Variants in FRS2 observed in about 807,000 individuals in gnomAD.
The protein encoded by FRS2 is fibroblast growth factor receptor substrate 2, also known as FGFR signalling adaptor.
In FRS2, 8 loss-of-function variants were observed where a neutral mutation model predicts 43.9. The ratio of observed to expected loss-of-function variants is 0.18; its 90% CI spans 0.11 to 0.33. The LOEUF (loss-of-function observed/expected upper bound fraction) is 0.33, where lower values mean the gene tolerates loss of function less well. FRS2 is among the 10% of genes least tolerant of loss of function. FRS2 has a pLI of 1.00. For missense variants in FRS2, 534 were observed against 627.6 expected (o/e 0.85, Z 1.59); for synonymous variants, 219 against 220.3 (o/e 0.99, Z 0.05).
chr12:69,527,270 A>G (rs916649619), intron 1 of FRS2, among the ~76,000 whole-genome samples: 1 of 149,210 alleles, frequency 6.7e-6, no homozygotes, highest in Admixed American at 6.7e-5. Context: ...CTCTTAATGT[A>G]TAGCAGTGAA....
intron 4 of FRS2, among the ~76,000 whole-genome samples, chr12:69,564,356 T>C (rs1344894318): frequency 6.6e-6 from 1 of 152,158 alleles, no homozygotes; most frequent in African/African-American, 2.4e-5. Flanking sequence ...CTTGAGCCAG[T>C]GTTCAAGAGC....
intron 4 of FRS2, among the ~76,000 whole-genome samples, chr12:69,566,061 A>T (rs938999896): frequency 6.6e-6 from 1 of 152,146 alleles, no homozygotes; most frequent in African/African-American, 2.4e-5. Context: ...TAGTGTCAGT[A>T]GCTGACAGGA....
At position 69,530,531 on chromosome 12, in the gene FRS2, G is replaced by A. The variant is rs569286612; in HGVS notation, c.-260-334G>A. On this transcript the variant is annotated intron_variant, in intron 1 of 8. Coordinates refer to ENST00000549921, the MANE Select transcript of FRS2 (RefSeq NM_001278356.2). Reference sequence around the variant, plus strand: ...AGATGGGAGGATTGCTTGAGTGCAGGAGTTCAAGACTAGCCTGGGCAATGT... The same window carrying A: ...AGATGGGAGGATTGCTTGAGTGCAGAAGTTCAAGACTAGCCTGGGCAATGT... Among the ~76,000 whole-genome samples, 15 of 152,240 alleles carry A rather than the reference G, an allele frequency of 9.9e-5. No homozygotes were observed. The South Asian group carries it at 2.7e-3, about 27-fold the overall frequency.
chr12:69,542,323 A>G (rs1180729468), intron 3 of FRS2, among the ~76,000 whole-genome samples: 1 of 152,240 alleles, frequency 6.6e-6, no homozygotes, highest in Non-Finnish European at 1.5e-5. Context: ...GGTCGTTCGT[A>G]TCCATAGGTT....
chr12:69,566,157 CTG>C (rs759685426), intron 4 of FRS2, among the ~76,000 whole-genome samples: 10 of 152,096 alleles, frequency 6.6e-5, no homozygotes, highest in Non-Finnish European at 1.3e-4. Flanking sequence ...TGGCTCATGA[CTG>C]TATATCCCTG....
chr12:69,544,869 A>G (rs928811931), intron 3 of FRS2, among the ~76,000 whole-genome samples: 14 of 152,280 alleles, frequency 9.2e-5, no homozygotes, highest in African/African-American at 2.6e-4. Flanking sequence ...CACCAATTCT[A>G]TTAAATATCA....
chr12:69,502,333 A>T (rs1364731196), intron 1 of FRS2, among the ~76,000 whole-genome samples: 2 of 152,152 alleles, frequency 1.3e-5, no homozygotes, highest in Non-Finnish European at 2.9e-5. Context: ...CAGCTTTTCC[A>T]GTTGATAATG....
rs1876725219 is a variant in FRS2, at chr12:69,530,939, C to T, written c.-186C>T. On this transcript the variant is annotated 5_prime_UTR_variant, in exon 2 of 9. Coordinates refer to ENST00000549921, the MANE Select transcript of FRS2 (RefSeq NM_001278356.2). The stretch of plus-strand genomic sequence containing the variant: ...CCATTTGTCATAAAGTAAGATGCAG[C>T]TGTGGCATGTCAACCAGCTTGGTAA... 6.6e-6 allele frequency: 1 copy of T among 151,112 alleles called. No homozygotes were observed. Among genetic ancestry groups the T allele is most frequent in the African/African-American group, 2.4e-5 (1 of 40,918 alleles). The allele number at this position is 151,112 out of a possible 1,614,324, so 9.4% of individuals were successfully genotyped here. A position where few individuals can be genotyped will look rare whatever the true frequency, so the allele number is the denominator to read the frequency against.
chr12:69,539,263 A>G (rs1411777798), intron 3 of FRS2, among the ~76,000 whole-genome samples: 1 of 151,932 alleles, frequency 6.6e-6, no homozygotes, highest in Non-Finnish European at 1.5e-5. Flanking sequence ...TTTAGTAGAG[A>G]TGGGGGTTTC....
chr12:69,494,711 A>C lies in FRS2; in HGVS notation c.-261+24181A>C, dbSNP rs544536172. Among the ~76,000 whole-genome samples the C allele has an allele frequency of 5.2e-4, 79 of 152,212 alleles. 1 individual carries two copies. In the South Asian group the frequency reaches 0.016, roughly 31 times the overall value. On this transcript the variant is annotated intron_variant, in intron 1 of 8. Coordinates refer to ENST00000549921, the MANE Select transcript of FRS2 (RefSeq NM_001278356.2). Reference sequence around the variant, plus strand: ...TCAGGATCTTGTAAGTGCTGACCCTATGTTTTATCTCACAGCACCTGAGTA... The same window carrying C: ...TCAGGATCTTGTAAGTGCTGACCCTCTGTTTTATCTCACAGCACCTGAGTA...
intron 3 of FRS2, among the ~76,000 whole-genome samples, chr12:69,546,504 C>T (rs1470309713): frequency 6.6e-6 from 1 of 152,130 alleles, no homozygotes; most frequent in Non-Finnish European, 1.5e-5. Flanking sequence ...GTGATCTGCT[C>T]ACCTTGGCCT....
intron 3 of FRS2, among the ~76,000 whole-genome samples, chr12:69,547,703 G>A (rs1018282462): frequency 3.3e-5 from 5 of 151,964 alleles, no homozygotes; most frequent in East Asian, 3.9e-4. Flanking sequence ...GGAATGTTCC[G>A]AACCAGTTGT....
intron 3 of FRS2, among the ~76,000 whole-genome samples, chr12:69,536,723 A>G (rs1290258461): frequency 3.9e-5 from 6 of 151,974 alleles, no homozygotes; most frequent in Non-Finnish European, 7.4e-5. Flanking sequence ...GGCATGCGCT[A>G]CTGTGCTGGG....
chr12:69,576,807 T>TC lies in FRS2; in HGVS notation c.*1856dup, dbSNP rs1565790511. The TC allele has an allele frequency of 6.6e-6, 1 of 152,620 alleles. No individual in the cohort carries two copies. The allele number at this position is 152,620 out of a possible 1,614,324, so 9.5% of individuals were successfully genotyped here. On this transcript the variant is annotated 3_prime_UTR_variant, in exon 9 of 9. Transcript: ENST00000549921. Reference sequence around the variant, plus strand: ...CAGAATTTTCTTTTCTCCCTTTTGTTCCCCTGTGAACTTGGTGCTTATTAA... The same window carrying TC: ...CAGAATTTTCTTTTCTCCCTTTTGTTCCCCCTGTGAACTTGGTGCTTATTAA...
chr12:69,575,221 A>G lies in FRS2; in HGVS notation c.*266A>G, dbSNP rs927777058. On this transcript the variant is annotated 3_prime_UTR_variant, in exon 9 of 9. Coordinates refer to ENST00000549921, the MANE Select transcript of FRS2 (RefSeq NM_001278356.2). ...TAAAATGAGAGTTGAAGTAAATGAC[A>G]TGCTGGTTGATTTTTATCAATATTC... 3 of 408,212 alleles carry G rather than the reference A, an allele frequency of 7.3e-6. No homozygotes were observed. Among genetic ancestry groups the G allele is most frequent in the African/African-American group, 4.0e-5 (2 of 49,412 alleles). The allele number at this position is 408,212 out of a possible 1,614,324, so 25.3% of individuals were successfully genotyped here.
chr12:69,551,735 A>G (rs780071998), intron 3 of FRS2, among the ~76,000 whole-genome samples: 37 of 152,242 alleles, frequency 2.4e-4, no homozygotes, highest in Non-Finnish European at 4.6e-4. Flanking sequence ...AGAACATCAC[A>G]TCAGTCGTGG....
At position 69,572,045 on chromosome 12, in the gene FRS2, G is replaced by C; in HGVS notation, c.413-73G>C. 2.6e-6 allele frequency: 3 copies of C among 1,162,436 alleles called. No homozygotes were observed. The South Asian group carries it at 4.2e-5, about 16-fold the overall frequency. The allele number at this position is 1,162,436 out of a possible 1,614,324, so 72.0% of individuals were successfully genotyped here. ...AAGACCTCCTATAATCCTCAGTACA[G>C]ATTCGATTCTTACTCATTTTTATTC... is the stretch of plus-strand genomic sequence containing the variant. On this transcript the variant is annotated intron_variant, in intron 7 of 8. Transcript: ENST00000549921.
At chr12:69,507,205 C>G (rs1047793195) in intron 1 of FRS2, among the ~76,000 whole-genome samples, 1 of 152,158 alleles carries the variant, frequency 6.6e-6, no homozygotes, top group Admixed American at 6.5e-5. Context: ...TTCTTACCCC[C>G]TCTCCTACAC....
intron 3 of FRS2, among the ~76,000 whole-genome samples, chr12:69,542,919 G>A (rs562760923): frequency 2.6e-5 from 4 of 152,278 alleles, no homozygotes; most frequent in South Asian, 2.1e-4. Context: ...GAAATAATGT[G>A]GCTTGGATAA....
Sources: gnomAD v4.1 joint callset for allele counts (sites outside exome capture counted in the v4.1 genomes callset) on GRCh38, gnomAD v4.1.1 for gene constraint, MANE v1.5 for transcripts, NCBI Gene and HGNC (gene_info 2026-07-23, HGNC 2026-07-21) for gene names.